Variants in TARS3 observed in about 807,000 individuals in gnomAD.
TARS3 encodes threonine--tRNA ligase 2, cytoplasmic.
In TARS3, 94 loss-of-function variants were observed where a neutral mutation model predicts 103.5. The observed-to-expected ratio is 0.91, with a 90% CI of 0.77 to 1.08. TARS3 has a LOEUF of 1.08. Ranked by LOEUF, TARS3 falls within the 50% of genes least tolerant of loss-of-function variation. The pLI, the probability that TARS3 is intolerant of heterozygous loss-of-function variation, is 0.00. For missense variants in TARS3, 952 were observed against 995.2 expected (o/e 0.96, Z 0.58); for synonymous variants, 416 against 355.4 (o/e 1.17, Z -1.92).
intron 18 of TARS3, among the ~76,000 whole-genome samples, chr15:101,656,418 A>G (rs1897200537): frequency 6.6e-6 from 1 of 152,214 alleles, no homozygotes; most frequent in Non-Finnish European, 1.5e-5. Context: ...TTAATTTTGG[A>G]ATCATTTTTA....
At chr15:101,683,585 C>T (rs530776399) in intron 12 of TARS3, among the ~76,000 whole-genome samples, 3 of 152,066 alleles carry the variant, frequency 2.0e-5, no homozygotes, top group East Asian at 1.9e-4. Flanking sequence ...CCTCACACCT[C>T]GGTACAACAT....
rs187514857 is a variant in TARS3, at chr15:101,715,567, T to C, written c.567-604A>G. Among the ~76,000 whole-genome samples, 4 of 152,356 alleles carry C rather than the reference T, an allele frequency of 2.6e-5. No homozygotes were observed. The East Asian group carries it at 7.7e-4, about 29-fold the overall frequency. Reference sequence around the variant, plus strand: ...TTGGTACATTTCTATCCAGTGGTTTTTCTACCTCCATCCACCCCACGCACA... The same window carrying C: ...TTGGTACATTTCTATCCAGTGGTTTCTCTACCTCCATCCACCCCACGCACA... On this transcript the variant is annotated intron_variant, in intron 3 of 18. Coordinates refer to ENST00000335968, the MANE Select transcript of TARS3 (RefSeq NM_152334.3).
chr15:101,695,303 T>C (rs1025526942), intron 10 of TARS3, among the ~76,000 whole-genome samples: 2 of 152,184 alleles, frequency 1.3e-5, no homozygotes, highest in Non-Finnish European at 2.9e-5. Context: ...CTGATCATCT[T>C]TCTGTCACTA....
chr15:101,696,374 TATG>T (rs1898982306), intron 10 of TARS3, among the ~76,000 whole-genome samples: 1 of 152,122 alleles, frequency 6.6e-6, no homozygotes, highest in Admixed American at 6.6e-5. Context: ...TTAGTCTTTC[TATG>T]ATGGGAAGGG....
rs777121093 is a variant in TARS3, at chr15:101,723,073, T to A, written c.369+20A>T. 4.3e-6 allele frequency: 7 copies of A among 1,609,884 alleles called. No homozygotes were observed. Among genetic ancestry groups the A allele is most frequent in the Non-Finnish European group, 5.1e-6 (6 of 1,176,114 alleles). On this transcript the variant is annotated intron_variant, in intron 2 of 18. Transcript: ENST00000335968. ...AAATTACAGGTAGTATTTTATATTGTTTCCACAGCAACAACTTACCTCGCT... is the reference window on the plus strand; with the variant it reads ...AAATTACAGGTAGTATTTTATATTGATTCCACAGCAACAACTTACCTCGCT...
intron 10 of TARS3, among the ~76,000 whole-genome samples, chr15:101,693,423 C>G (rs1344809926): frequency 6.6e-6 from 1 of 152,112 alleles, no homozygotes; most frequent in Non-Finnish European, 1.5e-5. Context: ...GGGGAAACCA[C>G]CCCCACGATT....
chr15:101,664,846 T>C (rs975808139), intron 15 of TARS3, among the ~76,000 whole-genome samples: 1 of 152,162 alleles, frequency 6.6e-6, no homozygotes, highest in East Asian at 1.9e-4. Flanking sequence ...CCATTATAAC[T>C]GTACCCCAGG....
At position 101,724,089 on chromosome 15, in the gene TARS3, A is replaced by ACCTGTGCGC. The variant is rs771153667; in HGVS notation, c.290_297+1dup. ...TCTCCAGTGTCCCCACCGCCCGGTT[A>ACCTGTGCGC]CCTGTGCGCCGGCCTCCTGCGCCGC... is the stretch of plus-strand genomic sequence containing the variant. On this transcript the variant is annotated splice_donor_variant, in intron 1 of 18. Coordinates refer to ENST00000335968, the MANE Select transcript of TARS3 (RefSeq NM_152334.3). LOFTEE classifies it high-confidence loss of function. 6.6e-6 allele frequency: 9 copies of ACCTGTGCGC among 1,358,628 alleles called. No homozygotes were observed. In the African/African-American group the frequency reaches 1.4e-4, roughly 21 times the overall value. 84.2% of individuals were successfully genotyped at this position (1,358,628 alleles called of 1,614,324 possible). A position where few individuals can be genotyped will look rare whatever the true frequency, so the allele number is the denominator to read the frequency against.
chr15:101,701,313 T>C (rs1460254150), intron 9 of TARS3, 129 bp from the exon 10 acceptor site: 9 of 509,582 alleles, frequency 1.8e-5, no homozygotes, highest in Non-Finnish European at 3.1e-5. Context: ...TCAACACTTA[T>C]ACCTAAATGC....
In TARS3 at chr15:101,656,124, C is replaced by T; in HGVS notation, c.2260+798G>A. The stretch of plus-strand genomic sequence containing the variant: ...AAATACTCCTGGTGAGGGTTGAGCT[C>T]CTGATTGCTCTTCTAGTGGTTTGGC... On this transcript the variant is annotated intron_variant, in intron 18 of 18. Transcript: ENST00000335968. The T allele has an allele frequency of 1.2e-5, 14 of 1,126,030 alleles. No homozygotes were observed. The South Asian group carries it at 1.7e-4, about 13-fold the overall frequency. 69.8% of individuals were successfully genotyped at this position (1,126,030 alleles called of 1,614,324 possible).
At chr15:101,688,322 T>C (rs944156441) in intron 10 of TARS3, among the ~76,000 whole-genome samples, 2 of 152,210 alleles carry the variant, frequency 1.3e-5, no homozygotes, top group Non-Finnish European at 2.9e-5. Context: ...GAGTAAAATA[T>C]GTCTCATGCC....
chr15:101,671,793 T>C, intron 13 of TARS3, 45 bp from the exon 14 acceptor site: 2 of 1,512,732 alleles, frequency 1.3e-6, no homozygotes, highest in East Asian at 2.3e-5. Context: ...ACTGTATCTT[T>C]TTTTTTTACA....
chr15:101,704,143 T>G (rs1899422098), intron 7 of TARS3, among the ~76,000 whole-genome samples: 1 of 152,194 alleles, frequency 6.6e-6, no homozygotes, highest in South Asian at 2.1e-4. Context: ...CAGAACATCT[T>G]CTGAAAGAAA....
At chr15:101,694,389 T>C (rs1410720647) in intron 10 of TARS3, among the ~76,000 whole-genome samples, 1 of 152,228 alleles carries the variant, frequency 6.6e-6, no homozygotes, top group African/African-American at 2.4e-5. Flanking sequence ...CAGCACCATG[T>C]ATCCCCAGCA....
chr15:101,712,296 T>G (rs1245333484), intron 4 of TARS3, among the ~76,000 whole-genome samples: 2 of 152,114 alleles, frequency 1.3e-5, no homozygotes, highest in East Asian at 1.9e-4. Flanking sequence ...CCACGAGAGA[T>G]GAACACCTCT....
chr15:101,688,348 TTCTC>T (rs1286248139), intron 10 of TARS3, among the ~76,000 whole-genome samples: 1 of 152,192 alleles, frequency 6.6e-6, no homozygotes, highest in Non-Finnish European at 1.5e-5. Context: ...ATTAATTTCT[TTCTC>T]TAATGCTGGG....
intron 6 of TARS3, among the ~76,000 whole-genome samples, chr15:101,705,963 G>GGTT (rs141632144): frequency 6.6e-6 from 1 of 151,912 alleles, no homozygotes; most frequent in African/African-American, 2.4e-5. Context: ...ATTAATTTGT[G>GGTT]GTTGTTGTTG....
intron 6 of TARS3, 58 bp downstream of exon 6, chr15:101,708,735 T>C (rs2141440571): frequency 8.9e-7 from 1 of 1,125,462 alleles, no homozygotes; most frequent in Non-Finnish European, 1.4e-6. Context: ...GTGGGGAAGC[T>C]AGTCTATATT....
chr15:101,686,745 A>C (rs1309142511), intron 10 of TARS3, among the ~76,000 whole-genome samples: 1 of 152,152 alleles, frequency 6.6e-6, no homozygotes, highest in Non-Finnish European at 1.5e-5. Flanking sequence ...AATTAGGTCA[A>C]ATTGTTTTGA....
Sources: gnomAD v4.1 joint callset for allele counts (sites outside exome capture counted in the v4.1 genomes callset) on GRCh38, gnomAD v4.1.1 for gene constraint, MANE v1.5 for transcripts, NCBI Gene and HGNC (gene_info 2026-07-23, HGNC 2026-07-21) for gene names.